Variants in SLC61A1 observed in about 807,000 individuals in gnomAD.
The protein encoded by SLC61A1 is major facilitator superfamily domain containing 5.
chr12:53,252,010 C>G, the SLC61A1 span: 5 of 1,533,770 alleles, frequency 3.3e-6, no homozygotes, highest in Admixed American at 7.9e-5. Flanking sequence ...CCGACCCACC[C>G]CAGGCGTCAG....
the SLC61A1 span, chr12:53,253,497 A>G: frequency 6.2e-7 from 1 of 1,614,116 alleles, no homozygotes; most frequent in Non-Finnish European, 8.5e-7. Flanking sequence ...GCCCTTCGAA[A>G]CTGGGGGGAG....
the SLC61A1 span, chr12:53,253,035 A>ACCAG: frequency 6.2e-7 from 1 of 1,614,036 alleles, no homozygotes; most frequent in Admixed American, 1.7e-5. Flanking sequence ...TATAAACTCT[A>ACCAG]CCAGCATTAC....
the SLC61A1 span, chr12:53,253,035 A>G: frequency 2.5e-6 from 4 of 1,613,918 alleles, no homozygotes; most frequent in African/African-American, 1.3e-5. Flanking sequence ...TATAAACTCT[A>G]CCAGCATTAC....
chr12:53,251,856 C>A, the SLC61A1 span: 67 of 1,537,330 alleles, frequency 4.4e-5, no homozygotes, highest in South Asian at 6.8e-4. Flanking sequence ...CTTTCCCGAG[C>A]ACTGCACGGA....
At chr12:53,252,533 T>TA in the SLC61A1 span, 57 of 1,369,128 alleles carry the variant, frequency 4.2e-5, no homozygotes, top group South Asian at 9.8e-4. Flanking sequence ...GCAGTAGAAT[T>TA]TGCGGGAGCG....
At chr12:53,251,836 C>G in the SLC61A1 span, 1 of 1,537,324 alleles carries the variant, frequency 6.5e-7, no homozygotes, top group Non-Finnish European at 8.7e-7. Flanking sequence ...CTCTACCGGA[C>G]TGCGGGCATC....
chr12:53,252,102 G>A, the SLC61A1 span: 37 of 1,452,080 alleles, frequency 2.5e-5, no homozygotes, highest in Non-Finnish European at 3.3e-5. Flanking sequence ...GTCACGTGAT[G>A]AAGCCATCAT....
the SLC61A1 span, chr12:53,253,639 C>T: frequency 1.9e-6 from 3 of 1,614,050 alleles, no homozygotes; most frequent in East Asian, 4.5e-5. Flanking sequence ...TCTTTGTCTT[C>T]CTCTGGACAC....
At chr12:53,253,292 A>G in the SLC61A1 span, 9 of 1,614,232 alleles carry the variant, frequency 5.6e-6, no homozygotes, top group Middle Eastern at 1.6e-4. Context: ...GGCCTGGTAT[A>G]TCCATGAGCA....
the SLC61A1 span, chr12:53,251,728 C>CT: frequency 6.5e-7 from 1 of 1,534,070 alleles, no homozygotes; most frequent in Non-Finnish European, 8.7e-7. Flanking sequence ...ACTGGCTTCT[C>CT]TTGCATGGAG....
chr12:53,253,249 GCTGTCCACAGCC>G, the SLC61A1 span: 1 of 1,614,224 alleles, frequency 6.2e-7, no homozygotes, highest in Non-Finnish European at 8.5e-7. Context: ...CACTTGGTGG[GCTGTCCACAGCC>G]CTGCTCTTCT....
the SLC61A1 span, chr12:53,253,037 C>T: frequency 6.2e-7 from 1 of 1,614,236 alleles, no homozygotes; most frequent in Non-Finnish European, 8.5e-7. Context: ...TAAACTCTAC[C>T]AGCATTACTA....
chr12:53,251,533 T>C, the SLC61A1 span: 11 of 585,572 alleles, frequency 1.9e-5, no homozygotes, highest in African/African-American at 1.9e-4. Flanking sequence ...CCACTGAACT[T>C]TAGCCTTCTT....
At chr12:53,252,487 A>G in the SLC61A1 span, 1 of 1,310,598 alleles carries the variant, frequency 7.6e-7, no homozygotes, top group Non-Finnish European at 9.7e-7. Context: ...ACGGGAGGTA[A>G]TAGAAGGAAG....
At chr12:53,253,928 C>T in the SLC61A1 span, 240 of 1,614,072 alleles carry the variant, frequency 1.5e-4, no homozygotes, top group Admixed American at 6.3e-4. Context: ...GAGCTTCCTA[C>T]GGAGAAAGGT....
At chr12:53,253,147 C>T in the SLC61A1 span, 5 of 1,614,258 alleles carry the variant, frequency 3.1e-6, no homozygotes, top group Non-Finnish European at 4.2e-6. Flanking sequence ...GGCTGGGTCG[C>T]AAGAATTCTT....
chr12:53,253,673 C>G, the SLC61A1 span: 16 of 1,614,082 alleles, frequency 9.9e-6, no homozygotes, highest in Non-Finnish European at 1.1e-5. Flanking sequence ...ACACGGGGCC[C>G]CTCTGGGCAT....
chr12:53,251,579 CTG>C, the SLC61A1 span: 1 of 731,914 alleles, frequency 1.4e-6, no homozygotes, highest in Admixed American at 3.1e-5. Flanking sequence ...TTCAAAGAAA[CTG>C]GGACACTGGG....
the SLC61A1 span, chr12:53,251,774 CCTT>C: frequency 1.3e-6 from 2 of 1,537,228 alleles, no homozygotes; most frequent in Non-Finnish European, 1.7e-6. Context: ...ACCAAGGAGA[CCTT>C]CTCGGCTTCG....
Sources: gnomAD v4.1 joint callset for allele counts on GRCh38, gnomAD v4.1.1 for gene constraint, MANE v1.5 for transcripts, NCBI Gene and HGNC (gene_info 2026-07-23, HGNC 2026-07-21) for gene names.